ITGBL1: variants seen among roughly 807,000 people sequenced by gnomAD.
ITGBL1 encodes integrin beta-like protein 1.
In ITGBL1, 51 loss-of-function variants were observed where a neutral mutation model predicts 68.5. That is an observed-to-expected ratio of 0.74 (90% confidence interval 0.59 to 0.94). The LOEUF is 0.94. Among genes scored for constraint, ITGBL1 ranks in the 40% least tolerant of loss-of-function variants. ITGBL1 has a pLI of 0.00. For synonymous variants in ITGBL1, 209 were observed against 227.3 expected (o/e 0.92, Z 0.72); for missense variants, 649 against 647.4 (o/e 1.00, Z -0.03).
intron 8 of ITGBL1, among the ~76,000 whole-genome samples, chr13:101,695,805 G>A (rs1333090217): frequency 6.6e-6 from 1 of 152,186 alleles, no homozygotes; most frequent in Non-Finnish European, 1.5e-5. Context: ...ATGGTGCATT[G>A]CAGTGTTAAC....
At chr13:101,652,397 A>C (rs2139456272) in intron 7 of ITGBL1, among the ~76,000 whole-genome samples, 1 of 152,306 alleles carries the variant, frequency 6.6e-6, no homozygotes, top group East Asian at 1.9e-4. Flanking sequence ...TCATCTGAAA[A>C]ACTGATAAAA....
chr13:101,468,730 A>T (rs2048417596), intron 2 of ITGBL1, among the ~76,000 whole-genome samples: 1 of 152,216 alleles, frequency 6.6e-6, no homozygotes, highest in Non-Finnish European at 1.5e-5. Flanking sequence ...CTCAAATGGT[A>T]AGAAAGTACT....
intron 2 of ITGBL1, among the ~76,000 whole-genome samples, chr13:101,548,271 T>C (rs2049861802): frequency 6.6e-6 from 1 of 151,792 alleles, no homozygotes; most frequent in South Asian, 2.1e-4. Flanking sequence ...TATTAGCAGA[T>C]AGAAATAACA....
intron 7 of ITGBL1, among the ~76,000 whole-genome samples, chr13:101,683,191 T>C (rs1458865265): frequency 6.6e-6 from 1 of 152,052 alleles, no homozygotes; most frequent in Admixed American, 6.6e-5. Flanking sequence ...GAAATCAGCA[T>C]ACCCTCTCCC....
At chr13:101,468,429 C>A (rs907051228) in intron 2 of ITGBL1, among the ~76,000 whole-genome samples, 1 of 152,138 alleles carries the variant, frequency 6.6e-6, no homozygotes, top group African/African-American at 2.4e-5. Flanking sequence ...TGAATTCATT[C>A]ACTTTTTATA....
Position 101,583,262 on chromosome 13 carries a change from T to G in ITGBL1, c.774T>G (p.Thr258=). The change falls in exon 6 of 11, where the codon ACT becomes ACG. Residue 258 remains threonine (T), a synonymous_variant. Coordinates refer to ENST00000376180, the MANE Select transcript of ITGBL1 (RefSeq NM_004791.3). ...GTACCTGTCACGATGTTGATCCGAC[T>G]GGGGACTGGGGAGATATTCATGGGG... ...GECTCHDVDP[T]GDWGDIHGDT... 6.2e-7 allele frequency: 1 copy of G among 1,613,746 alleles called. No individual in the cohort carries two copies. The highest frequency in any genetic ancestry group is 1.1e-5 in the South Asian group (1 of 91,070).
At chr13:101,712,535 G>A (rs1372082789) in intron 9 of ITGBL1, 1 of 152,110 alleles carries the variant, frequency 6.6e-6, no homozygotes, top group African/African-American at 2.4e-5. Context: ...TATATAAAAT[G>A]ATATCCTGGG....
chr13:101,617,745 T>C (rs2031424410), intron 7 of ITGBL1, among the ~76,000 whole-genome samples: 1 of 152,154 alleles, frequency 6.6e-6, no homozygotes, highest in African/African-American at 2.4e-5. Flanking sequence ...TTCAGCCGTA[T>C]TATTACTGTT....
chr13:101,476,007 G>A (rs1425332361), intron 2 of ITGBL1, among the ~76,000 whole-genome samples: 5 of 152,104 alleles, frequency 3.3e-5, no homozygotes, highest in Admixed American at 3.3e-4. Context: ...TTATCTGAAG[G>A]TACAAAACTC....
intron 2 of ITGBL1, among the ~76,000 whole-genome samples, chr13:101,551,087 GA>G (rs1301070308): frequency 2.6e-5 from 4 of 152,290 alleles, no homozygotes; most frequent in South Asian, 4.1e-4. Context: ...GCATGATGGA[GA>G]GGGGTGAGGA....
At chr13:101,565,328 G>T (rs3899633) in intron 2 of ITGBL1, among the ~76,000 whole-genome samples, 119,460 of 152,066 alleles carry the variant, frequency 0.79, 46,954 homozygotes, top group African/African-American at 0.82. Context: ...ATACTATTTT[G>T]TAAATATATA....
chr13:101,456,770 C>A (rs1426379437), intron 2 of ITGBL1, among the ~76,000 whole-genome samples: 1 of 152,164 alleles, frequency 6.6e-6, no homozygotes, highest in Admixed American at 6.5e-5. Context: ...CAAAAATTAG[C>A]TGGGCTTGGT....
intron 2 of ITGBL1, among the ~76,000 whole-genome samples, chr13:101,541,125 C>G (rs1344988285): frequency 6.7e-6 from 1 of 148,644 alleles, no homozygotes; most frequent in Non-Finnish European, 1.5e-5. Flanking sequence ...ACATCCCTGT[C>G]TTGTGCCAGT....
intron 9 of ITGBL1, 170 bp from the exon 10 acceptor site, chr13:101,714,268 A>G: frequency 1.7e-6 from 1 of 604,844 alleles, no homozygotes; most frequent in Non-Finnish European, 3.0e-6. Flanking sequence ...GGTGACCTTT[A>G]TGAATTACAG....
intron 7 of ITGBL1, among the ~76,000 whole-genome samples, chr13:101,598,786 C>T (rs532158384): frequency 6.6e-5 from 10 of 152,120 alleles, no homozygotes; most frequent in South Asian, 2.1e-4. Context: ...TATGGCTGCA[C>T]AGTATTCCAT....
intron 6 of ITGBL1, among the ~76,000 whole-genome samples, chr13:101,589,288 A>G (rs1594909147): frequency 6.6e-6 from 1 of 152,218 alleles, no homozygotes; most frequent in Non-Finnish European, 1.5e-5. Flanking sequence ...TATGATATAC[A>G]GTAAGATATC....
At chr13:101,505,530 A>G (rs1399756324) in intron 2 of ITGBL1, among the ~76,000 whole-genome samples, 3 of 152,162 alleles carry the variant, frequency 2.0e-5, no homozygotes, top group Non-Finnish European at 2.9e-5. Flanking sequence ...AACATTCATT[A>G]TCTTATTCAA....
At chr13:101,665,577 CT>C (rs2033194879) in intron 7 of ITGBL1, among the ~76,000 whole-genome samples, 1 of 151,904 alleles carries the variant, frequency 6.6e-6, no homozygotes, top group African/African-American at 2.4e-5. Flanking sequence ...TGTAGCATTT[CT>C]TCCTTTCTGT....
intron 6 of ITGBL1, among the ~76,000 whole-genome samples, chr13:101,595,402 C>T (rs1369124372): frequency 6.6e-6 from 1 of 152,108 alleles, no homozygotes; most frequent in Non-Finnish European, 1.5e-5. Flanking sequence ...GTCAAAACAC[C>T]TCCCACCAGG....
Sources: gnomAD v4.1 joint callset for allele counts (sites outside exome capture counted in the v4.1 genomes callset) on GRCh38, gnomAD v4.1.1 for gene constraint, MANE v1.5 for transcripts, NCBI Gene and HGNC (gene_info 2026-07-23, HGNC 2026-07-21) for gene names.